ARNT: variants seen among roughly 807,000 people sequenced by gnomAD.
The protein encoded by ARNT is class E basic helix-loop-helix protein 2.
ARNT carries 30 observed loss-of-function variants against 105.0 expected under a neutral mutation model. That is an observed-to-expected ratio of 0.29 (90% CI 0.21 to 0.39). ARNT has a LOEUF of 0.39. Ranked by LOEUF, ARNT falls within the 10% of genes least tolerant of loss-of-function variation. The probability of loss-of-function intolerance (pLI) is 1.00; values close to 1 mark genes in which losing one functional copy is unlikely to be tolerated. For synonymous variants in ARNT, 304 were observed against 344.0 expected, an observed-to-expected ratio of 0.88 and a Z score of 1.29; for missense variants, 748 against 978.7, an observed-to-expected ratio of 0.76 and a Z score of 3.15.
intron 8 of ARNT, among the ~76,000 whole-genome samples, chr1:150,833,442 A>C (rs1388580409): frequency 6.6e-6 from 1 of 152,202 alleles, no homozygotes; most frequent in East Asian, 1.9e-4. Flanking sequence ...TAATGACCCA[A>C]GATCATGCCA....
chr1:150,811,481 C>CACAT lies in ARNT; in HGVS notation c.*539_*540insATGT, dbSNP rs770229886. 2 of 233,386 alleles carry CACAT rather than the reference C, an allele frequency of 8.6e-6. No homozygotes were observed. 14.5% of individuals were successfully genotyped at this position (233,386 alleles called of 1,614,324 possible). A position where few individuals can be genotyped will look rare whatever the true frequency, so the allele number is the denominator to read the frequency against. On this transcript the variant is annotated 3_prime_UTR_variant, in exon 22 of 22. Transcript: ENST00000358595. ...GCGCACACACACACACACACACATA[C>CACAT]ACACACACTCTCTCTCACTTACTCA...
intron 20 of ARNT, 126 bp from the exon 21 acceptor site, chr1:150,813,464 G>A (rs1655162305): frequency 1.1e-6 from 1 of 911,620 alleles, no homozygotes; most frequent in Non-Finnish European, 1.5e-6. Context: ...CCTTCTCTCT[G>A]CCAATCAATG....
chr1:150,810,208 A>G lies in ARNT; in HGVS notation c.*1813T>C, dbSNP rs1175651336. Reference sequence around the variant, plus strand: ...TACAGAAATGGCCAACAAGAAAACAAAACAGTCAAAAATAAAACCCTGAAG... The same window carrying G: ...TACAGAAATGGCCAACAAGAAAACAGAACAGTCAAAAATAAAACCCTGAAG... On this transcript the variant is annotated 3_prime_UTR_variant, in exon 22 of 22. Coordinates refer to ENST00000358595, the MANE Select transcript of ARNT (RefSeq NM_001668.4). The G allele has an allele frequency of 4.3e-6, 1 of 232,904 alleles. No homozygotes were observed. Among genetic ancestry groups the G allele is most frequent in the Non-Finnish European group, 8.5e-6 (1 of 117,578 alleles). The allele number at this position is 232,904 out of a possible 1,614,324, so 14.4% of individuals were successfully genotyped here.
At chr1:150,858,569 C>T in intron 1 of ARNT, 109 bp from the exon 2 acceptor site, 1 of 873,178 alleles carries the variant, frequency 1.1e-6, no homozygotes, top group Non-Finnish European at 1.7e-6. Context: ...AAAATCTCAG[C>T]AGTTTGCTAA....
chr1:150,817,816 A>G, intron 15 of ARNT, 104 bp downstream of exon 15: 1 of 893,358 alleles, frequency 1.1e-6, no homozygotes, highest in African/African-American at 2.4e-5. Flanking sequence ...TCCTTCTCAA[A>G]AAAAAAAAAA....
chr1:150,869,759 C>T (rs1327211385), intron 1 of ARNT, among the ~76,000 whole-genome samples: 1 of 152,016 alleles, frequency 6.6e-6, no homozygotes, highest in Non-Finnish European at 1.5e-5. Flanking sequence ...CCCTATATTG[C>T]TCAGGCTGGT....
At chr1:150,815,235 TTA>T (rs1311251982) in intron 19 of ARNT, among the ~76,000 whole-genome samples, 2 of 152,060 alleles carry the variant, frequency 1.3e-5, no homozygotes, top group Admixed American at 6.6e-5. Context: ...GTGCGTTATA[TTA>T]TATATATGAA....
At chr1:150,826,898 C>T (rs587757583) in intron 12 of ARNT, among the ~76,000 whole-genome samples, 19 of 152,118 alleles carry the variant, frequency 1.2e-4, no homozygotes, top group Admixed American at 2.0e-4. Context: ...CCACCCGCCT[C>T]GGCCTCCCAA....
Position 150,829,420 on chromosome 1 carries a change from A to G in ARNT, c.1033-193T>C, listed in dbSNP as rs991851201. 9 of 621,190 alleles carry G rather than the reference A, an allele frequency of 1.4e-5. No individual in the cohort carries two copies. The East Asian group carries it at 2.5e-4, about 17-fold the overall frequency. The allele number at this position is 621,190 out of a possible 1,614,324, so 38.5% of individuals were successfully genotyped here. A position where few individuals can be genotyped will look rare whatever the true frequency, so the allele number is the denominator to read the frequency against. ...AGGCATAAGGTCTAGCTCTGCTCCCATACATTTACACTTTACCAAGTTAGT... is the reference window on the plus strand; with the variant it reads ...AGGCATAAGGTCTAGCTCTGCTCCCGTACATTTACACTTTACCAAGTTAGT... On this transcript the variant is annotated intron_variant, in intron 11 of 21. Transcript: ENST00000358595.
At chr1:150,861,765 A>C (rs587761489) in intron 1 of ARNT, among the ~76,000 whole-genome samples, 1 of 152,354 alleles carries the variant, frequency 6.6e-6, no homozygotes, top group East Asian at 1.9e-4. Flanking sequence ...CTATACAAAC[A>C]GTCCTGACTT....
At chr1:150,847,371 C>G (rs964272821) in intron 3 of ARNT, among the ~76,000 whole-genome samples, 1 of 127,156 alleles carries the variant, frequency 7.9e-6, no homozygotes, top group African/African-American at 3.1e-5. Flanking sequence ...GCGGAGGTTG[C>G]AGTGAGCTGA....
At chr1:150,857,596 A>G (rs1322769554) in intron 2 of ARNT, among the ~76,000 whole-genome samples, 1 of 151,936 alleles carries the variant, frequency 6.6e-6, no homozygotes, top group African/African-American at 2.4e-5. Context: ...AAAGAAAAAG[A>G]AGGAAAAAGG....
At chr1:150,836,229 A>G in intron 7 of ARNT, 51 bp downstream of exon 7, 1 of 1,574,800 alleles carries the variant, frequency 6.4e-7, no homozygotes, top group Non-Finnish European at 8.7e-7. Flanking sequence ...AAGTCTCAGG[A>G]AAAAAACAAG....
chr1:150,826,821 T>A (rs1355393701), intron 12 of ARNT, among the ~76,000 whole-genome samples: 1 of 152,018 alleles, frequency 6.6e-6, no homozygotes, highest in Admixed American at 6.6e-5. Flanking sequence ...ATTTTGTATT[T>A]TTTTAAATAG....
chr1:150,830,827 T>G (rs934323271), intron 10 of ARNT, among the ~76,000 whole-genome samples: 21 of 152,238 alleles, frequency 1.4e-4, no homozygotes, highest in African/African-American at 5.1e-4. Context: ...AAAAATAGTA[T>G]TCCTTGATGC....
intron 5 of ARNT, 109 bp downstream of exon 5, chr1:150,842,315 C>T: frequency 6.9e-7 from 1 of 1,455,638 alleles, no homozygotes; most frequent in Non-Finnish European, 9.1e-7. Flanking sequence ...TCTCTTGCCA[C>T]AGATAAGGAA....
rs377065464 is a variant in ARNT at position 150,847,325 on chromosome 1, G to A, written c.183-1018C>T. 2.6e-5 allele frequency among the ~76,000 whole-genome samples: 4 copies of A among 151,062 alleles called. No homozygotes were observed. In the East Asian group the frequency reaches 7.8e-4, roughly 30 times the overall value. On this transcript the variant is annotated intron_variant, in intron 3 of 21. Coordinates refer to ENST00000358595, the MANE Select transcript of ARNT (RefSeq NM_001668.4). ...ACGTGCTTATAGTCCCAGCTACTTC[G>A]GAGGCTGAGGCAGCAGAACCACTTG... is the stretch of plus-strand genomic sequence containing the variant.
chr1:150,864,994 A>T (rs889194196), intron 1 of ARNT, among the ~76,000 whole-genome samples: 5 of 151,686 alleles, frequency 3.3e-5, no homozygotes, highest in Non-Finnish European at 7.4e-5. Flanking sequence ...GATTCAACAA[A>T]GACAAACATA....
At chr1:150,824,038 T>G (rs1230203178) in intron 13 of ARNT, among the ~76,000 whole-genome samples, 1 of 150,832 alleles carries the variant, frequency 6.6e-6, no homozygotes. Flanking sequence ...AGACGGGGTT[T>G]CACCATGTTG....
Sources: allele counts gnomAD v4.1 joint callset (sites outside exome capture counted in the v4.1 genomes callset), GRCh38; gene constraint gnomAD v4.1.1; transcripts MANE v1.5; gene names NCBI Gene and HGNC (gene_info 2026-07-23, HGNC 2026-07-21).